Variants in PTPRD observed in about 807,000 individuals in gnomAD.
PTPRD encodes the protein protein tyrosine phosphatase receptor type D.
In PTPRD, 34 loss-of-function variants were observed where a neutral mutation model predicts 214.5. That is an observed-to-expected ratio of 0.16 (90% CI 0.12 to 0.21). The LOEUF is 0.21. Among genes scored for constraint, PTPRD ranks in the 10% least tolerant of loss-of-function variants. The pLI, the probability that PTPRD is intolerant of heterozygous loss-of-function variation, is 1.00. For synonymous variants in PTPRD, 1,128 were observed against 845.7 expected (o/e 1.33, Z -5.79); for missense variants, 2,545 against 2,398.7 (o/e 1.06, Z -1.27).
At chr9:9,968,342 T>A (rs2094849608) in intron 4 of PTPRD, among the ~76,000 whole-genome samples, 1 of 152,160 alleles carries the variant, frequency 6.6e-6, no homozygotes, top group Non-Finnish European at 1.5e-5. Context: ...AAAACGTCAT[T>A]TTGCACTGTC....
intron 35 of PTPRD, among the ~76,000 whole-genome samples, chr9:8,415,873 G>A (rs534710585): frequency 6.6e-6 from 1 of 151,820 alleles, no homozygotes; most frequent in Non-Finnish European, 1.5e-5. Flanking sequence ...CCAGAAAACA[G>A]ATCTCTCTCA....
At chr9:9,921,740 A>T (rs2082597380) in intron 5 of PTPRD, among the ~76,000 whole-genome samples, 1 of 149,148 alleles carries the variant, frequency 6.7e-6, no homozygotes, top group Non-Finnish European at 1.5e-5. Flanking sequence ...TTAAAAAGCC[A>T]ATTTATAGAA....
At chr9:10,343,054 T>C (rs188907377) in intron 2 of PTPRD, among the ~76,000 whole-genome samples, 2 of 152,298 alleles carry the variant, frequency 1.3e-5, no homozygotes, top group Admixed American at 6.5e-5. Context: ...GGTACACATG[T>C]GCCATGTTGG....
chr9:9,485,146 T>C (rs1010260923), intron 8 of PTPRD, among the ~76,000 whole-genome samples: 6 of 152,196 alleles, frequency 3.9e-5, no homozygotes, highest in African/African-American at 1.2e-4. Flanking sequence ...CTCTCTCCAC[T>C]GTAAAAATAA....
At chr9:8,743,146 A>G in intron 11 of PTPRD, among the ~76,000 whole-genome samples, 1 of 151,670 alleles carries the variant, frequency 6.6e-6, no homozygotes, top group East Asian at 1.9e-4. Flanking sequence ...ATAATCTAAT[A>G]CATTGCTTTC....
chr9:10,364,499 AAAATCTGTACTCCT>A (rs2097474868), intron 2 of PTPRD, among the ~76,000 whole-genome samples: 1 of 152,200 alleles, frequency 6.6e-6, no homozygotes, highest in South Asian at 2.1e-4. Flanking sequence ...ACAAATTTTA[AAAATCTGTACTCCT>A]AACTGCTGTA....
intron 8 of PTPRD, among the ~76,000 whole-genome samples, chr9:9,531,562 C>T (rs1464756275): frequency 6.6e-6 from 1 of 152,110 alleles, no homozygotes; most frequent in East Asian, 1.9e-4. Flanking sequence ...GTAATGATTA[C>T]ATGGTGCATC....
intron 9 of PTPRD, among the ~76,000 whole-genome samples, chr9:9,264,707 C>T (rs1040942987): frequency 2.0e-5 from 3 of 151,516 alleles, no homozygotes; most frequent in African/African-American, 7.3e-5. Context: ...ATCACGTTCA[C>T]TGCAAATAAG....
intron 32 of PTPRD, among the ~76,000 whole-genome samples, chr9:8,464,690 C>T (rs949336020): frequency 1.4e-5 from 2 of 147,400 alleles, no homozygotes; most frequent in Admixed American, 1.4e-4. Context: ...AAATTCACCC[C>T]CTGCCTATCT....
rs79905998 is a variant in PTPRD at position 8,523,421 on chromosome 9, A to G, written c.691+92T>C. Reference sequence around the variant, plus strand: ...ACATACCATTAACCAAAAGAAGAACACAATGCAGCTACATTCATTTCATTT... The same window carrying G: ...ACATACCATTAACCAAAAGAAGAACGCAATGCAGCTACATTCATTTCATTT... On this transcript the variant is annotated intron_variant, in intron 19 of 45. Coordinates refer to ENST00000381196, the MANE Select transcript of PTPRD (RefSeq NM_002839.4). The G allele has an allele frequency of 7.7e-4, 1,122 of 1,448,350 alleles. 11 individuals are homozygous for G. In the African/African-American group the frequency reaches 0.013, roughly 17 times the overall value. 89.7% of individuals were successfully genotyped at this position (1,448,350 alleles called of 1,614,324 possible). A position where few individuals can be genotyped will look rare whatever the true frequency, so the allele number is the denominator to read the frequency against.
chr9:9,985,973 T>G (rs920515338), intron 4 of PTPRD, among the ~76,000 whole-genome samples: 1 of 152,138 alleles, frequency 6.6e-6, no homozygotes, highest in African/African-American at 2.4e-5. Context: ...TTTTACTCAT[T>G]GGAAGACTAC....
intron 11 of PTPRD, among the ~76,000 whole-genome samples, chr9:9,005,223 C>T (rs574344919): frequency 4.2e-4 from 64 of 152,122 alleles, no homozygotes; most frequent in African/African-American, 1.5e-3. Context: ...CTGATCAGTT[C>T]ATTGCTAGGC....
chr9:8,355,362 C>T (rs2076712610), intron 39 of PTPRD, among the ~76,000 whole-genome samples: 1 of 152,148 alleles, frequency 6.6e-6, no homozygotes, highest in Admixed American at 6.5e-5. Context: ...ACTAACATAC[C>T]TGGTTATGTA....
intron 8 of PTPRD, among the ~76,000 whole-genome samples, chr9:9,416,501 T>C (rs777519352): frequency 1.3e-5 from 2 of 152,140 alleles, no homozygotes; most frequent in African/African-American, 2.4e-5. Context: ...GCTCGGTGAA[T>C]GTTATTGCTG....
intron 11 of PTPRD, among the ~76,000 whole-genome samples, chr9:8,754,870 T>G: frequency 6.6e-6 from 1 of 152,146 alleles, no homozygotes; most frequent in East Asian, 1.9e-4. Context: ...CTCTATCCTT[T>G]TGGGGAAATG....
At chr9:9,634,877 T>A (rs2095708066) in intron 7 of PTPRD, among the ~76,000 whole-genome samples, 1 of 152,202 alleles carries the variant, frequency 6.6e-6, no homozygotes, top group Non-Finnish European at 1.5e-5. Flanking sequence ...GTACTTGTGC[T>A]ATTTTGAATG....
intron 11 of PTPRD, among the ~76,000 whole-genome samples, chr9:8,927,770 G>A (rs1279251193): frequency 6.6e-6 from 1 of 152,132 alleles, no homozygotes; most frequent in Non-Finnish European, 1.5e-5. Context: ...CTAGATCCTT[G>A]AGGAATTGCC....
At chr9:8,947,462 C>CAAAAAAAAAAAAAAAAAA (rs138279192) in intron 11 of PTPRD, among the ~76,000 whole-genome samples, 1 of 93,026 alleles carries the variant, frequency 1.1e-5, no homozygotes. Flanking sequence ...GACTCTGTCT[C>CAAAAAAAAAAAAAAAAAA]AAAAAAAAAA....
At chr9:10,441,878 T>C (rs2154523516) in intron 2 of PTPRD, among the ~76,000 whole-genome samples, 1 of 151,796 alleles carries the variant, frequency 6.6e-6, no homozygotes, top group East Asian at 1.9e-4. Context: ...CATACTACCA[T>C]ACCTATTAGT....
Sources: allele counts gnomAD v4.1 joint callset (sites outside exome capture counted in the v4.1 genomes callset), GRCh38; gene constraint gnomAD v4.1.1; transcripts MANE v1.5; gene names NCBI Gene and HGNC (gene_info 2026-07-23, HGNC 2026-07-21).